Variants in PREX2 observed in about 807,000 individuals in gnomAD.
PREX2 encodes phosphatidylinositol 3,4,5-trisphosphate-dependent Rac exchanger 2 protein.
A neutral mutation model predicts 203.2 loss-of-function variants in PREX2; 107 were observed. That is an observed-to-expected ratio of 0.53 (90% CI 0.45 to 0.62). The LOEUF (loss-of-function observed/expected upper bound fraction) is 0.62. PREX2 is among the 20% of genes least tolerant of loss of function. PREX2 has a pLI of 0.00. For synonymous variants in PREX2, 672 were observed against 663.6 expected (o/e 1.01, Z -0.19); for missense variants, 1,777 against 1,955.9 (o/e 0.91, Z 1.72).
chr8:68,138,125 A>C (rs1261730497), intron 32 of PREX2, among the ~76,000 whole-genome samples: 1 of 152,230 alleles, frequency 6.6e-6, no homozygotes, highest in Non-Finnish European at 1.5e-5. Flanking sequence ...TGAAATCAAT[A>C]TGATTAGAAT....
intron 11 of PREX2, among the ~76,000 whole-genome samples, chr8:68,062,004 T>C (rs963977486): frequency 6.6e-6 from 1 of 152,164 alleles, no homozygotes; most frequent in African/African-American, 2.4e-5. Flanking sequence ...GGTATTTTGA[T>C]GTTCATTTCC....
chr8:68,158,416 A>G (rs1022883857), intron 35 of PREX2, among the ~76,000 whole-genome samples: 4 of 152,148 alleles, frequency 2.6e-5, no homozygotes, highest in African/African-American at 9.7e-5. Context: ...ATTGCAAGCC[A>G]GGAGCATAGA....
chr8:68,126,785 T>C (rs1165486750), intron 30 of PREX2, among the ~76,000 whole-genome samples: 1 of 152,078 alleles, frequency 6.6e-6, no homozygotes, highest in Non-Finnish European at 1.5e-5. Flanking sequence ...ATGAAATTCA[T>C]ACACATTTAT....
chr8:68,149,703 A>C (rs2129613749), intron 34 of PREX2, among the ~76,000 whole-genome samples: 1 of 152,262 alleles, frequency 6.6e-6, no homozygotes, highest in East Asian at 1.9e-4. Context: ...TGATCTTGGA[A>C]AGGTTTTAGA....
At chr8:68,159,351 C>T (rs544433658) in intron 35 of PREX2, among the ~76,000 whole-genome samples, 1 of 152,268 alleles carries the variant, frequency 6.6e-6, no homozygotes, top group East Asian at 1.9e-4. Context: ...TGATGCTTTG[C>T]CTACTTATTT....
chr8:68,230,524 G>C (rs1434322440), intron 39 of PREX2, among the ~76,000 whole-genome samples: 2 of 152,148 alleles, frequency 1.3e-5, no homozygotes, highest in Non-Finnish European at 2.9e-5. Flanking sequence ...GATCACTAGG[G>C]CTATCAAGCA....
chr8:68,142,119 T>C (rs1020073313), intron 33 of PREX2, among the ~76,000 whole-genome samples: 1 of 152,172 alleles, frequency 6.6e-6, no homozygotes, highest in Admixed American at 6.5e-5. Context: ...AGTGAACCTA[T>C]ATTAGCACAT....
Position 67,975,694 on chromosome 8 carries a change from CTTTTT to C in PREX2, c.141+23182_141+23186del, listed in dbSNP as rs67614434. 4.1e-4 allele frequency among the ~76,000 whole-genome samples: 31 copies of C among 75,014 alleles called. 6 individuals are homozygous for C. The highest frequency in any genetic ancestry group is 1.5e-3 in the African/African-American group (26 of 16,860). 49.2% of individuals were successfully genotyped at this position (75,014 alleles called of 152,430 possible). ...TCAGGATAGTAACTGATTTCTCTTT[CTTTTT>C]TTTTTTTTTTTTTTTTTTTTTTGAG... is the stretch of plus-strand genomic sequence containing the variant. On this transcript the variant is annotated intron_variant, in intron 1 of 39. Transcript: ENST00000288368.
intron 1 of PREX2, among the ~76,000 whole-genome samples, chr8:67,960,560 G>C (rs1585654997): frequency 1.3e-5 from 2 of 152,242 alleles, no homozygotes; most frequent in East Asian, 3.9e-4. Flanking sequence ...ATGCAGGAGA[G>C]GGAGTGTTCC....
chr8:68,153,258 G>A (rs1303980116), intron 34 of PREX2, among the ~76,000 whole-genome samples: 2 of 152,332 alleles, frequency 1.3e-5, no homozygotes, highest in Admixed American at 1.3e-4. Context: ...GAGAATGTTA[G>A]CAGACTGACA....
intron 37 of PREX2, among the ~76,000 whole-genome samples, chr8:68,217,096 T>C (rs1185185978): frequency 6.6e-6 from 1 of 152,216 alleles, no homozygotes; most frequent in Non-Finnish European, 1.5e-5. Context: ...TAACCAGTTA[T>C]GAGTTCCTTT....
chr8:68,224,533 A>T lies in PREX2; in HGVS notation c.4708-26A>T, dbSNP rs1162059557. 4 of 1,594,210 alleles carry T rather than the reference A, an allele frequency of 2.5e-6. No homozygotes were observed. In the East Asian group the frequency reaches 8.9e-5, roughly 36 times the overall value. Reference sequence around the variant, plus strand: ...AAATTATTACTAACACACTGTAGGGATAAAAGTGATTTTCCTGACTTTCAG... The same window carrying T: ...AAATTATTACTAACACACTGTAGGGTTAAAAGTGATTTTCCTGACTTTCAG... On this transcript the variant is annotated intron_variant, in intron 38 of 39. Transcript: ENST00000288368.
intron 35 of PREX2, among the ~76,000 whole-genome samples, chr8:68,159,435 A>G (rs1365503734): frequency 1.3e-5 from 2 of 152,214 alleles, no homozygotes; most frequent in African/African-American, 4.8e-5. Flanking sequence ...CTTCCACAGT[A>G]GCTTTAGATT....
intron 3 of PREX2, among the ~76,000 whole-genome samples, chr8:68,021,113 C>T (rs1415827977): frequency 3.3e-5 from 5 of 152,122 alleles, no homozygotes; most frequent in Non-Finnish European, 7.3e-5. Context: ...GCTTAGAGAT[C>T]ATGATGGTAC....
intron 35 of PREX2, among the ~76,000 whole-genome samples, chr8:68,182,906 A>G (rs961664401): frequency 6.6e-6 from 1 of 151,568 alleles, no homozygotes; most frequent in African/African-American, 2.4e-5. Flanking sequence ...TTGAAGAATC[A>G]GTAGAGTTTT....
rs75973493 is a variant in PREX2 at position 68,138,361 on chromosome 8, C to T, written c.3985-54C>T. On this transcript the variant is annotated intron_variant, in intron 32 of 39. Transcript: ENST00000288368. The stretch of plus-strand genomic sequence containing the variant: ...TCTGAATTTACATTATGTCATGTTA[C>T]GTTATATTGCTTTATATCATCTTGT... 877 of 931,136 alleles carry T rather than the reference C, an allele frequency of 9.4e-4. 3 individuals carry two copies. The highest frequency in any genetic ancestry group is 3.8e-3 in the East Asian group (140 of 37,332). 57.7% of individuals were successfully genotyped at this position (931,136 alleles called of 1,614,324 possible).
At chr8:68,081,271 A>G in intron 17 of PREX2, among the ~76,000 whole-genome samples, 1 of 152,132 alleles carries the variant, frequency 6.6e-6, no homozygotes, top group South Asian at 2.1e-4. Flanking sequence ...TCCTATGAGA[A>G]TGTAATGCCA....
chr8:68,192,042 A>G (rs973301945), intron 36 of PREX2, among the ~76,000 whole-genome samples: 1 of 152,148 alleles, frequency 6.6e-6, no homozygotes, highest in Admixed American at 6.5e-5. Context: ...GCACCCATCA[A>G]CCCATCACCT....
chr8:68,058,898 C>T (rs1808760384), intron 10 of PREX2, among the ~76,000 whole-genome samples: 1 of 152,130 alleles, frequency 6.6e-6, no homozygotes, highest in Non-Finnish European at 1.5e-5. Context: ...CTTTGTTTCA[C>T]CTTTTCTTAT....
Sources: gnomAD v4.1 joint callset for allele counts (sites outside exome capture counted in the v4.1 genomes callset) on GRCh38, gnomAD v4.1.1 for gene constraint, MANE v1.5 for transcripts, NCBI Gene and HGNC (gene_info 2026-07-23, HGNC 2026-07-21) for gene names.